The following CHRNA5 variants were observed in gnomAD, a reference collection of about 807,000 sequenced individuals.
CHRNA5 encodes neuronal acetylcholine receptor subunit alpha-5.
CHRNA5 carries 28 observed loss-of-function variants against 41.2 expected under a neutral mutation model. That is an observed-to-expected ratio of 0.68 (90% CI 0.50 to 0.93). The LOEUF (loss-of-function observed/expected upper bound fraction) is 0.93. Among genes scored for constraint, CHRNA5 ranks in the 40% least tolerant of loss-of-function variants. The pLI is 0.00. For synonymous variants in CHRNA5, 188 were observed against 205.8 expected (o/e 0.91, Z 0.74); for missense variants, 481 against 581.9 (o/e 0.83, Z 1.78).
intron 5 of CHRNA5, chr15:78,591,103 C>T (rs1181928957): frequency 1.3e-5 from 2 of 156,332 alleles, no homozygotes. Flanking sequence ...GGCGCAGTGG[C>T]TTCATGCCTG....
At chr15:78,572,313 T>C (rs2052813167) in intron 1 of CHRNA5, among the ~76,000 whole-genome samples, 1 of 152,198 alleles carries the variant, frequency 6.6e-6, no homozygotes, top group Non-Finnish European at 1.5e-5. Context: ...TTTTTCCCAT[T>C]GTAACATTAT....
exon 6 of CHRNA5, chr15:78,593,325 A>C: frequency 7.1e-7 from 1 of 1,409,980 alleles, no homozygotes; most frequent in Non-Finnish European, 9.4e-7. Context: ...AAATTATGAA[A>C]ATGTAAGTTA....
chr15:78,586,667 C>A (rs757754067), exon 3 of CHRNA5: 8 of 1,600,720 alleles, frequency 5.0e-6, no homozygotes, highest in Non-Finnish European at 6.8e-6. Flanking sequence ...CAGTTAATGA[C>A]AACAAACGTC....
At chr15:78,593,013 A>C in intron 5 of CHRNA5, 79 bp from the exon 6 acceptor site, 1 of 1,529,160 alleles carries the variant, frequency 6.5e-7, no homozygotes, top group Non-Finnish European at 8.8e-7. Context: ...TTTGGCTTCT[A>C]ACTCAGTGTG....
At position 78,583,107 on chromosome 15, in the gene CHRNA5, G is replaced by A. The variant is rs146205734; in HGVS notation, c.258+2145G>A. ...TGTGCTCTGGCATTTCATCTTCAAA[G>A]CTGGGTGAACTTTATTCCTTGTATC... On this transcript the variant is annotated intron_variant, in intron 2 of 5. Transcript: ENST00000299565. Among the ~76,000 whole-genome samples, 33 of 152,074 alleles carry A rather than the reference G, an allele frequency of 2.2e-4. 1 individual carries two copies. The East Asian group carries it at 6.2e-3, about 29-fold the overall frequency.
chr15:78,590,726 C>A (rs2053005636), intron 5 of CHRNA5, 90 bp downstream of exon 5: 5 of 1,037,976 alleles, frequency 4.8e-6, no homozygotes, highest in Non-Finnish European at 7.0e-6. Flanking sequence ...AACAGCATGA[C>A]CCTTAAGTAA....
At chr15:78,589,977 T>A (rs768293774) in exon 5 of CHRNA5, 2 of 1,614,170 alleles carry the variant, frequency 1.2e-6, no homozygotes, top group Non-Finnish European at 1.7e-6. Flanking sequence ...TTATGATGGA[T>A]CACAGGTTGA....
chr15:78,577,198 AGC>A (rs1207370770), intron 1 of CHRNA5, among the ~76,000 whole-genome samples: 4 of 152,208 alleles, frequency 2.6e-5, no homozygotes. Flanking sequence ...TGCCCCTCAG[AGC>A]CCTGCGGTTT....
intron 2 of CHRNA5, among the ~76,000 whole-genome samples, chr15:78,581,920 ATAATT>A (rs577765092): frequency 1.7e-3 from 254 of 152,310 alleles, no homozygotes; most frequent in African/African-American, 5.6e-3. Flanking sequence ...TATTTCATCT[ATAATT>A]TAAGCATTCT....
chr15:78,590,602 C>T, exon 5 of CHRNA5: 1 of 1,613,318 alleles, frequency 6.2e-7, no homozygotes, highest in Non-Finnish European at 8.5e-7. Flanking sequence ...CGCTACATTA[C>T]AAGACACATC....
At chr15:78,591,793 C>A (rs528300760) in intron 5 of CHRNA5, among the ~76,000 whole-genome samples, 1 of 152,178 alleles carries the variant, frequency 6.6e-6, no homozygotes, top group South Asian at 2.1e-4. Context: ...CTTTGGTGCA[C>A]CCATCATAAA....
At chr15:78,574,864 T>C (rs1202156155) in intron 1 of CHRNA5, among the ~76,000 whole-genome samples, 2 of 151,504 alleles carry the variant, frequency 1.3e-5, no homozygotes, top group Non-Finnish European at 2.9e-5. Flanking sequence ...TCCCAGCTAC[T>C]CGGGAGGTTG....
intron 2 of CHRNA5, among the ~76,000 whole-genome samples, chr15:78,584,299 GTTTGT>G (rs1387392517): frequency 6.6e-6 from 1 of 152,014 alleles, no homozygotes; most frequent in Non-Finnish European, 1.5e-5. Flanking sequence ...TTTTTGGCTT[GTTTGT>G]TTTGATTTTA....
chr15:78,576,146 T>TG (rs1353532747), intron 1 of CHRNA5, among the ~76,000 whole-genome samples: 36 of 152,276 alleles, frequency 2.4e-4, no homozygotes, highest in Non-Finnish European at 3.7e-4. Context: ...TGTTTGTTTT[T>TG]TTTTTTGTTG....
Position 78,570,424 on chromosome 15 carries a change from ATT to A in CHRNA5, c.106+4623_106+4624del, listed in dbSNP as rs71148540. Among the ~76,000 whole-genome samples the A allele has an allele frequency of 1.3e-3, 84 of 64,164 alleles. 2 individuals carry two copies. The highest frequency in any genetic ancestry group is 0.011 in the East Asian group (14 of 1,252). The allele number at this position is 64,164 out of a possible 152,430, so 42.1% of individuals were successfully genotyped here. On this transcript the variant is annotated intron_variant, in intron 1 of 5. Transcript: ENST00000299565. ...CAGGCATGTGCCACCAATCCCGGCT[ATT>A]TTTTTTTTTTTTTTTTTTTTTTTAG... is the stretch of plus-strand genomic sequence containing the variant.
intron 2 of CHRNA5, 22 bp downstream of exon 2, chr15:78,580,984 T>TTTAG (rs1567057569): frequency 1.2e-6 from 2 of 1,605,026 alleles, no homozygotes; most frequent in Non-Finnish European, 8.5e-7. Context: ...TATCCTTCTA[T>TTTAG]AGTCAATTTC....
intron 1 of CHRNA5, among the ~76,000 whole-genome samples, chr15:78,577,255 A>G (rs2052867249): frequency 6.6e-6 from 1 of 152,190 alleles, no homozygotes; most frequent in Admixed American, 6.5e-5. Context: ...GTATATCCTG[A>G]TTTGTAAAAT....
At chr15:78,579,497 G>T (rs944479282) in intron 1 of CHRNA5, among the ~76,000 whole-genome samples, 1 of 152,112 alleles carries the variant, frequency 6.6e-6, no homozygotes, top group Non-Finnish European at 1.5e-5. Context: ...CAGGTAATCT[G>T]TCCGCCTCAG....
In CHRNA5 at chr15:78,588,282, T is replaced by G. The variant is rs2052979491; in HGVS notation, c.304-32T>G. 8.4e-7 allele frequency: 1 copy of G among 1,191,500 alleles called. No homozygotes were observed. The allele number at this position is 1,191,500 out of a possible 1,614,324, so 73.8% of individuals were successfully genotyped here. ...TCACTGTTTTTGACTATTAGTTTTATTGAAATTGAGGCAGATTTCTTTGTT... is the reference window on the plus strand; with the variant it reads ...TCACTGTTTTTGACTATTAGTTTTAGTGAAATTGAGGCAGATTTCTTTGTT... On this transcript the variant is annotated intron_variant, in intron 3 of 5. Coordinates refer to ENST00000299565, the Ensembl canonical transcript of CHRNA5. The surrounding 1 kb of genome is among the most constrained non-coding windows in gnomAD (Gnocchi z 4.1).
Sources: allele counts gnomAD v4.1 joint callset (sites outside exome capture counted in the v4.1 genomes callset), GRCh38; gene constraint gnomAD v4.1.1; non-coding constraint Gnocchi (gnomAD v3.1); transcripts MANE v1.5; gene names NCBI Gene and HGNC (gene_info 2026-07-23, HGNC 2026-07-21).